SMARCC1: variants seen among roughly 807,000 people sequenced by gnomAD.
SMARCC1 encodes SWI/SNF related BAF chromatin remodeling complex subunit C1.
SMARCC1 carries 43 observed loss-of-function variants against 147.4 expected under a neutral mutation model. The observed-to-expected ratio is 0.29, with a 90% confidence interval of 0.23 to 0.38. The LOEUF (loss-of-function observed/expected upper bound fraction) is 0.38. SMARCC1 is among the 10% of genes least tolerant of loss of function. The pLI is 1.00. For synonymous variants in SMARCC1, 495 were observed against 484.4 expected, an observed-to-expected ratio of 1.02 and a Z score of -0.29; for missense variants, 1,119 against 1,381.1, an observed-to-expected ratio of 0.81 and a Z score of 3.01.
intron 3 of SMARCC1, among the ~76,000 whole-genome samples, chr3:47,738,557 A>G (rs1252321831): frequency 6.6e-6 from 1 of 151,970 alleles, no homozygotes; most frequent in Non-Finnish European, 1.5e-5. Context: ...GGTGGTGCAC[A>G]CCTGTAATCC....
intron 4 of SMARCC1, 91 bp from the exon 5 acceptor site, chr3:47,736,217 C>A: frequency 1.5e-6 from 1 of 668,196 alleles, no homozygotes; most frequent in East Asian, 3.2e-5. Context: ...CCCAGATAAC[C>A]TTTTCTGCCA....
At chr3:47,722,765 G>A (rs2106812601) in intron 6 of SMARCC1, among the ~76,000 whole-genome samples, 1 of 152,246 alleles carries the variant, frequency 6.6e-6, no homozygotes, top group South Asian at 2.1e-4. Context: ...AAAGAGTAAG[G>A]CCAATGCCAT....
intron 11 of SMARCC1, among the ~76,000 whole-genome samples, chr3:47,693,877 G>C (rs1479380024): frequency 6.6e-6 from 1 of 152,112 alleles, no homozygotes; most frequent in Non-Finnish European, 1.5e-5. Flanking sequence ...TGCCCAGGCT[G>C]GTCTCGAACT....
chr3:47,685,270 A>G (rs895430546), intron 14 of SMARCC1, among the ~76,000 whole-genome samples: 3 of 152,118 alleles, frequency 2.0e-5, no homozygotes, highest in African/African-American at 7.2e-5. Flanking sequence ...GATGATTCAT[A>G]CTCCTGGCAT....
intron 1 of SMARCC1, among the ~76,000 whole-genome samples, chr3:47,773,732 C>T (rs1281618962): frequency 6.6e-6 from 1 of 151,930 alleles, no homozygotes; most frequent in Non-Finnish European, 1.5e-5. Context: ...AGAGTTCAAG[C>T]GATTCTCCTC....
intron 2 of SMARCC1, among the ~76,000 whole-genome samples, chr3:47,767,441 T>C (rs1247630349): frequency 6.8e-6 from 1 of 146,808 alleles, no homozygotes; most frequent in African/African-American, 2.5e-5. Flanking sequence ...AGTTTCTCCA[T>C]GTTGGTCAGG....
At chr3:47,764,578 T>G (rs1326674169) in intron 2 of SMARCC1, among the ~76,000 whole-genome samples, 9 of 152,136 alleles carry the variant, frequency 5.9e-5, no homozygotes, top group Non-Finnish European at 1.3e-4. Context: ...CACCACCTGG[T>G]CCAGCATGCC....
At chr3:47,690,855 T>C (rs2033781409) in intron 12 of SMARCC1, among the ~76,000 whole-genome samples, 1 of 152,184 alleles carries the variant, frequency 6.6e-6, no homozygotes, top group South Asian at 2.1e-4. Context: ...ATGGTATTAA[T>C]TACCAGTAGG....
intron 9 of SMARCC1, 36 bp downstream of exon 9, chr3:47,710,647 A>C (rs1477703654): frequency 6.2e-7 from 1 of 1,604,352 alleles, no homozygotes; most frequent in Non-Finnish European, 8.5e-7. Context: ...CCAAGAAGAC[A>C]GACTTAATGA....
At chr3:47,775,382 G>T (rs1387739426) in intron 1 of SMARCC1, among the ~76,000 whole-genome samples, 2 of 149,880 alleles carry the variant, frequency 1.3e-5, no homozygotes, top group East Asian at 4.1e-4. Context: ...GGATGGTCTC[G>T]ATCTCCTGAC....
intron 21 of SMARCC1, among the ~76,000 whole-genome samples, chr3:47,642,109 CTCT>C (rs2106710855): frequency 6.6e-6 from 1 of 152,212 alleles, no homozygotes; most frequent in South Asian, 2.1e-4. Flanking sequence ...AGGACTTCTC[CTCT>C]TCATTAAAAG....
intron 22 of SMARCC1, 67 bp from the exon 23 acceptor site, chr3:47,636,203 T>C: frequency 1.2e-6 from 1 of 805,364 alleles, no homozygotes. Context: ...TTATGAGTAA[T>C]TATCTTAGAC....
chr3:47,630,804 G>A (rs1046738299), intron 24 of SMARCC1, among the ~76,000 whole-genome samples: 2 of 152,140 alleles, frequency 1.3e-5, no homozygotes, highest in Admixed American at 1.3e-4. Context: ...GGCTGACACC[G>A]GTAATCCCAG....
chr3:47,719,289 G>A (rs765338771), intron 7 of SMARCC1, among the ~76,000 whole-genome samples: 1 of 152,072 alleles, frequency 6.6e-6, no homozygotes, highest in Non-Finnish European at 1.5e-5. Context: ...ACTAGTATGG[G>A]TTATAACATG....
At chr3:47,612,734 T>G (rs958765227) in intron 25 of SMARCC1, among the ~76,000 whole-genome samples, 5 of 151,666 alleles carry the variant, frequency 3.3e-5, no homozygotes, top group African/African-American at 1.2e-4. Flanking sequence ...GAAGGTAATT[T>G]AAAAAAAGTA....
Position 47,675,900 on chromosome 3 carries a change from A to G in SMARCC1, c.1726-312T>C, listed in dbSNP as rs183862431. ...GTGGAAGTTGCAGCGAACCAAGATCATGCCACTGCACTCCAGCCGGGGGAA... is the reference window on the plus strand; with the variant it reads ...GTGGAAGTTGCAGCGAACCAAGATCGTGCCACTGCACTCCAGCCGGGGGAA... On this transcript the variant is annotated intron_variant, in intron 17 of 27. Transcript: ENST00000254480. 2.9e-3 allele frequency among the ~76,000 whole-genome samples: 445 copies of G among 151,946 alleles called. 4 individuals are homozygous for G. The East Asian group carries it at 0.033, about 11-fold the overall frequency.
chr3:47,705,185 C>T (rs947575971), intron 10 of SMARCC1, among the ~76,000 whole-genome samples: 35 of 151,402 alleles, frequency 2.3e-4, no homozygotes, highest in African/African-American at 7.2e-4. Flanking sequence ...ATTAGCTGGG[C>T]GTGGTGGCAC....
chr3:47,659,893 T>C (rs574173429), intron 21 of SMARCC1, among the ~76,000 whole-genome samples: 4 of 151,954 alleles, frequency 2.6e-5, no homozygotes, highest in Non-Finnish European at 4.4e-5. Flanking sequence ...AGATTGGCTA[T>C]TACAGGTAAA....
chr3:47,770,421 C>T (rs1441364819), intron 2 of SMARCC1, among the ~76,000 whole-genome samples: 2 of 151,656 alleles, frequency 1.3e-5, no homozygotes, highest in Admixed American at 1.3e-4. Context: ...AGGAGTTCGA[C>T]ACCAGCCTGG....
Sources: allele counts gnomAD v4.1 joint callset (sites outside exome capture counted in the v4.1 genomes callset), GRCh38; gene constraint gnomAD v4.1.1; transcripts MANE v1.5; gene names NCBI Gene and HGNC (gene_info 2026-07-23, HGNC 2026-07-21).